KAZN: variants seen among roughly 807,000 people sequenced by gnomAD.
The protein encoded by KAZN is kazrin.
KAZN carries 40 observed loss-of-function variants against 87.4 expected under a neutral mutation model. That is an observed-to-expected ratio of 0.46 (90% CI 0.36 to 0.60). KAZN has a LOEUF of 0.60. KAZN is among the 20% of genes least tolerant of loss of function. KAZN has a pLI of 0.00. For missense variants in KAZN, 898 were observed against 1,073.9 expected, an observed-to-expected ratio of 0.84 and a Z score of 2.29; for synonymous variants, 466 against 458.3, an observed-to-expected ratio of 1.02 and a Z score of -0.22.
rs114800610 is a variant in KAZN at position 14,564,512 on chromosome 1, T to C, written c.250-34471T>C. ...TGTATGAACTAAATGGGTGAATGTA[T>C]GTTAAATGCCATAAAAGCCACAGTG... On this transcript the variant is annotated intron_variant, in intron 2 of 16. Coordinates refer to the KAZN transcript ENST00000636203. 9.1e-3 allele frequency among the ~76,000 whole-genome samples: 1,390 copies of C among 152,168 alleles called. 26 individuals carry two copies. Among genetic ancestry groups the C allele is most frequent in the African/African-American group, 0.031 (1,294 of 41,518 alleles).
intron 1 of KAZN, among the ~76,000 whole-genome samples, chr1:14,849,966 G>A (rs374225582): frequency 2.7e-5 from 4 of 147,364 alleles, no homozygotes; most frequent in Admixed American, 6.8e-5. Context: ...ACAGAGTATC[G>A]CTCTGTTACC....
At chr1:13,914,629 C>T (rs1298781702) in intron 1 of KAZN, among the ~76,000 whole-genome samples, 1 of 152,144 alleles carries the variant, frequency 6.6e-6, no homozygotes, top group African/African-American at 2.4e-5. Context: ...TTTGAAAAAG[C>T]AAGAAGCCAC....
At chr1:14,218,008 TC>T (rs1171604241) in intron 2 of KAZN, among the ~76,000 whole-genome samples, 1 of 152,138 alleles carries the variant, frequency 6.6e-6, no homozygotes, top group African/African-American at 2.4e-5. Context: ...ATGAGCTTTT[TC>T]TGAGGAATTT....
chr1:15,063,561 T>C lies in KAZN; in HGVS notation c.1048-11T>C, dbSNP rs910677084. 1.9e-6 allele frequency: 3 copies of C among 1,613,152 alleles called. No homozygotes were observed. Among genetic ancestry groups the C allele is most frequent in the Non-Finnish European group, 2.5e-6 (3 of 1,179,232 alleles). ...CTGCTGTTTCATCTTCCTCTTCTCC[T>C]CTGGCTACAGGGCGACAGTCCCGGC... On this transcript the variant is annotated splice_polypyrimidine_tract_variant and intron_variant, in intron 6 of 14. Coordinates refer to ENST00000376030, the MANE Select transcript of KAZN (RefSeq NM_201628.3).
intron 2 of KAZN, among the ~76,000 whole-genome samples, chr1:14,448,619 C>T (rs74059518): frequency 0.028 from 4,299 of 152,286 alleles, 211 homozygotes; most frequent in African/African-American, 0.097. Flanking sequence ...CTTAGGGATT[C>T]CCAACAACTC....
chr1:14,582,478 A>G (rs1231948711), intron 2 of KAZN, among the ~76,000 whole-genome samples: 1 of 152,120 alleles, frequency 6.6e-6, no homozygotes, highest in Non-Finnish European at 1.5e-5. Context: ...TCCATCTCAC[A>G]CAAACCCTGA....
At chr1:14,527,755 ACAGC>A (rs1317331788) in intron 2 of KAZN, among the ~76,000 whole-genome samples, 2 of 152,044 alleles carry the variant, frequency 1.3e-5, no homozygotes, top group Non-Finnish European at 2.9e-5. Flanking sequence ...GCTCTTTTTA[ACAGC>A]CAGCTCTAGT....
chr1:14,552,107 A>G (rs566642311), intron 2 of KAZN, among the ~76,000 whole-genome samples: 1 of 152,182 alleles, frequency 6.6e-6, no homozygotes, highest in East Asian at 1.9e-4. Flanking sequence ...TGCCCCTAAA[A>G]TATAATTTAC....
Position 14,352,901 on chromosome 1 carries a change from C to T in KAZN, c.249+172309C>T, listed in dbSNP as rs905301353. Among the ~76,000 whole-genome samples, 14 of 151,984 alleles carry T rather than the reference C, an allele frequency of 9.2e-5. 1 individual carries two copies. The highest frequency in any genetic ancestry group is 1.5e-4 in the Non-Finnish European group (10 of 68,006). ...CATTTAATGAAATTTATGATATTAACCAATTAAAAGAAAAATAGATTATGA... is the reference window on the plus strand; with the variant it reads ...CATTTAATGAAATTTATGATATTAATCAATTAAAAGAAAAATAGATTATGA... On this transcript the variant is annotated intron_variant, in intron 2 of 16. Coordinates refer to the KAZN transcript ENST00000636203.
chr1:13,985,146 C>A (rs372379862), intron 1 of KAZN, among the ~76,000 whole-genome samples: 24 of 151,956 alleles, frequency 1.6e-4, no homozygotes, highest in African/African-American at 5.5e-4. Context: ...ATTTATATAT[C>A]TATCTAGGGA....
At chr1:14,929,940 T>C (rs550924719) in intron 1 of KAZN, 1 of 985,444 alleles carries the variant, frequency 1.0e-6, no homozygotes, top group Admixed American at 6.1e-5. Flanking sequence ...TTAGAGGATA[T>C]CAATTGTGGC....
rs139927005 is a variant in KAZN, at chr1:14,256,727, C to T, written c.249+76135C>T. On this transcript the variant is annotated intron_variant, in intron 2 of 16. Transcript: ENST00000636203. ...GTAAGGGGCAAAAATAACAGCATTT[C>T]ACCCTAAAGAATTGTCAGCAGGATT... 2.0e-3 allele frequency among the ~76,000 whole-genome samples: 300 copies of T among 152,262 alleles called. 1 individual carries two copies. Among genetic ancestry groups the T allele is most frequent in the African/African-American group, 6.9e-3 (287 of 41,554 alleles).
At chr1:14,918,681 A>G (rs1572825817) in intron 1 of KAZN, among the ~76,000 whole-genome samples, 1 of 29,556 alleles carries the variant, frequency 3.4e-5, no homozygotes, top group Non-Finnish European at 5.7e-5. Flanking sequence ...ATCTCAAAAA[A>G]AAAAAAAAAA....
At chr1:14,419,734 G>A (rs868848373) in intron 2 of KAZN, among the ~76,000 whole-genome samples, 22 of 152,214 alleles carry the variant, frequency 1.4e-4, no homozygotes, top group Middle Eastern at 3.4e-3. Flanking sequence ...TCCGCGGTGA[G>A]CGTTAGGACT....
rs543864237 is a variant in KAZN at position 14,886,183 on chromosome 1, A to T, written c.227-74501A>T. On this transcript the variant is annotated intron_variant, in intron 1 of 14. Transcript: ENST00000376030. Reference sequence around the variant, plus strand: ...ATGCCTGTAATCCCAGCGCTTTGGGAGGATGAGGTGGGAAGACCACTTGAG... The same window carrying T: ...ATGCCTGTAATCCCAGCGCTTTGGGTGGATGAGGTGGGAAGACCACTTGAG... 2.9e-4 allele frequency among the ~76,000 whole-genome samples: 44 copies of T among 152,142 alleles called. 1 individual carries two copies. The highest frequency in any genetic ancestry group is 5.1e-4 in the Non-Finnish European group (35 of 68,020).
At chr1:13,994,576 G>A (rs1639425242) in intron 1 of KAZN, among the ~76,000 whole-genome samples, 1 of 152,176 alleles carries the variant, frequency 6.6e-6, no homozygotes, top group South Asian at 2.1e-4. Flanking sequence ...TTTCAATGGG[G>A]AACAAAACAG....
intron 1 of KAZN, among the ~76,000 whole-genome samples, chr1:14,914,928 C>T (rs1180797672): frequency 2.6e-5 from 4 of 152,168 alleles, no homozygotes; most frequent in Non-Finnish European, 5.9e-5. Flanking sequence ...CGGTGGCTCA[C>T]GCCTATAATC....
chr1:14,418,492 T>G (rs56329236), intron 2 of KAZN, among the ~76,000 whole-genome samples: 4,728 of 152,308 alleles, frequency 0.031, 112 homozygotes, highest in Non-Finnish European at 0.049. Flanking sequence ...GTTGTAAGTT[T>G]TCGGGTGGGA....
intron 1 of KAZN, among the ~76,000 whole-genome samples, chr1:13,997,801 A>G (rs1639595212): frequency 2.0e-5 from 3 of 152,172 alleles, no homozygotes; most frequent in Non-Finnish European, 4.4e-5. Flanking sequence ...ATATTTCAGG[A>G]TATTATCCAG....
Sources: allele counts gnomAD v4.1 joint callset (sites outside exome capture counted in the v4.1 genomes callset), GRCh38; gene constraint gnomAD v4.1.1; transcripts MANE v1.5; gene names NCBI Gene and HGNC (gene_info 2026-07-23, HGNC 2026-07-21).